Variants in LAMB1 observed in about 807,000 individuals in gnomAD.
LAMB1 encodes the protein laminin subunit beta 1, also known as laminin subunit beta-1.
Under a neutral mutation model 222.3 loss-of-function variants are expected in LAMB1, and 121 were observed. That is an observed-to-expected ratio of 0.54 (90% CI 0.47 to 0.63). LAMB1 has a LOEUF of 0.63. Ranked by LOEUF, LAMB1 falls within the 30% of genes least tolerant of loss-of-function variation. LAMB1 has a pLI of 0.00. For synonymous variants in LAMB1, 794 were observed against 807.2 expected (o/e 0.98, Z 0.28); for missense variants, 2,172 against 2,240.8 (o/e 0.97, Z 0.62).
At position 107,935,712 on chromosome 7, in the gene LAMB1, CCAAG is replaced by C; in HGVS notation, c.3947-60_3947-57del. 4.4e-6 allele frequency: 7 copies of C among 1,578,542 alleles called. 1 individual carries two copies. In the South Asian group the frequency reaches 8.1e-5, roughly 18 times the overall value. ...AACCTCATCATACTAGGCTTCCTCC[CCAAG>C]CAGTGTCTATATTTGGTGTCTTCGG... is the stretch of plus-strand genomic sequence containing the variant. On this transcript the variant is annotated intron_variant, in intron 26 of 33. Transcript: ENST00000222399.
chr7:107,948,405 A>G (rs2033174813), intron 24 of LAMB1, among the ~76,000 whole-genome samples: 1 of 152,178 alleles, frequency 6.6e-6, no homozygotes, highest in Non-Finnish European at 1.5e-5. Context: ...AAAACTAAAG[A>G]TAAGGTTGGA....
chr7:107,943,481 A>G (rs1298503741), intron 24 of LAMB1, among the ~76,000 whole-genome samples: 1 of 152,226 alleles, frequency 6.6e-6, no homozygotes. Flanking sequence ...GATTTTAGGA[A>G]TACATTTCCA....
chr7:107,997,646 A>G (rs2034305404), intron 4 of LAMB1, among the ~76,000 whole-genome samples: 3 of 152,210 alleles, frequency 2.0e-5, no homozygotes, highest in Admixed American at 2.0e-4. Context: ...CTAACAGTAC[A>G]TTGTTAATTA....
At chr7:107,985,614 A>C (rs113271693) in intron 7 of LAMB1, among the ~76,000 whole-genome samples, 3,357 of 151,692 alleles carry the variant, frequency 0.022, 48 homozygotes, top group South Asian at 0.037. Flanking sequence ...GGGCAATAAG[A>C]GTGAAACTCC....
chr7:107,978,056 C>T lies in LAMB1; in HGVS notation c.991G>A (p.Ala331Thr), dbSNP rs746417381. 2.0e-5 allele frequency: 32 copies of T among 1,614,036 alleles called. No homozygotes were observed. Among genetic ancestry groups the T allele is most frequent in the African/African-American group, 4.0e-5 (3 of 74,914 alleles). Residue 331 changes from alanine to threonine, a missense_variant, in exon 9 of 34, where the codon GCC becomes ACC. Coordinates refer to ENST00000222399, the MANE Select transcript of LAMB1 (RefSeq NM_002291.3). ...TTCAACACAGACTTACTTTTACAGGCGTTGCTGTTTCGGCCTTCAGCAGGT... is the reference window on the plus strand; with the variant it reads ...TTCAACACAGACTTACTTTTACAGGTGTTGCTGTTTCGGCCTTCAGCAGGT... ...WRPAEGRNSN[A>T]CKKCNCNEHS...
intron 12 of LAMB1, 31 bp downstream of exon 12, chr7:107,974,955 C>T: frequency 1.6e-6 from 2 of 1,240,556 alleles, no homozygotes; most frequent in South Asian, 1.2e-5. Flanking sequence ...CCTCACCAAC[C>T]ACCCATCCCA....
chr7:107,933,768 A>G (rs1481594064), intron 27 of LAMB1, among the ~76,000 whole-genome samples: 1 of 152,258 alleles, frequency 6.6e-6, no homozygotes, highest in African/African-American at 2.4e-5. Flanking sequence ...AAACACAGTA[A>G]GAGAACTGAA....
chr7:107,967,724 A>G (rs1170904731), intron 13 of LAMB1, among the ~76,000 whole-genome samples: 1 of 152,150 alleles, frequency 6.6e-6, no homozygotes, highest in Non-Finnish European at 1.5e-5. Flanking sequence ...CACTAAGTCT[A>G]TTATTTCTGG....
Position 107,929,466 on chromosome 7 carries a change from C to T in LAMB1, c.4691G>A (p.Ser1564Asn). 1 of 1,614,128 alleles carries T rather than the reference C, an allele frequency of 6.2e-7. No homozygotes were observed. Among genetic ancestry groups the T allele is most frequent in the South Asian group, 1.1e-5 (1 of 91,078 alleles). Residue 1564 changes from serine (S) to asparagine (N), a missense_variant, in exon 30 of 34, where the codon AGT (serine) becomes AAT (asparagine). Ser to Asn is a conservative substitution (Grantham distance 46). Coordinates refer to ENST00000222399, the MANE Select transcript of LAMB1 (RefSeq NM_002291.3). ...LSQVEVILQH[S>N]AADIARAEML... ...CTCAGCTCTGGCAATGTCAGCAGCA[C>T]TATGCTGAAGAATAACCTCTACTTG...
chr7:107,972,941 A>C lies in LAMB1; in HGVS notation c.1562+51T>G, dbSNP rs372232140. ...TGAATGTCACCCATTCCTGTAAGTC[A>C]TGACTTTCCTGGAAGACTGAGGACA... On this transcript the variant is annotated intron_variant, in intron 13 of 33. Transcript: ENST00000222399. The C allele has an allele frequency of 1.1e-4, 155 of 1,421,110 alleles. No individual in the cohort carries two copies. The African/African-American group carries it at 2.0e-3, about 19-fold the overall frequency. The allele number at this position is 1,421,110 out of a possible 1,614,324, so 88.0% of individuals were successfully genotyped here.
chr7:107,971,506 CT>C (rs892536482), intron 13 of LAMB1, among the ~76,000 whole-genome samples: 1 of 152,222 alleles, frequency 6.6e-6, no homozygotes, highest in African/African-American at 2.4e-5. Flanking sequence ...GGGACAACAA[CT>C]TTGAAAAGGC....
chr7:108,001,623 G>C lies in LAMB1; in HGVS notation c.148C>G (p.Leu50Val). 1 of 1,613,258 alleles carries C rather than the reference G, an allele frequency of 6.2e-7. No homozygotes were observed. Among genetic ancestry groups the C allele is most frequent in the Non-Finnish European group, 8.5e-7 (1 of 1,179,854 alleles). Residue 50 changes from leucine to valine, a missense_variant, in exon 3 of 34, where the codon CTT (leucine) becomes GTT (valine). Coordinates refer to ENST00000222399, the MANE Select transcript of LAMB1 (RefSeq NM_002291.3). ...AGCCCGCACGTCGAGGTCACCGAAAGCTTCTGTGCTCGGCCGATGAGAAGG... is the reference window on the plus strand; with the variant it reads ...AGCCCGCACGTCGAGGTCACCGAAACCTTCTGTGCTCGGCCGATGAGAAGG... The part of the protein sequence containing the change: ...GDLLIGRAQK[L>V]SVTSTCGLHK...
At chr7:107,961,107 G>T (rs146429565) in intron 17 of LAMB1, 99 bp downstream of exon 17, 4 of 1,352,482 alleles carry the variant, frequency 3.0e-6, no homozygotes, top group Non-Finnish European at 4.1e-6. Context: ...TTCTGCTTAC[G>T]CTGGCCTCAG....
At chr7:107,956,032 G>A (rs2033369245) in intron 20 of LAMB1, among the ~76,000 whole-genome samples, 1 of 152,234 alleles carries the variant, frequency 6.6e-6, no homozygotes, top group Admixed American at 6.5e-5. Flanking sequence ...AGGTAGCTGG[G>A]ATTATAGGCA....
At chr7:107,998,973 G>A (rs1584545411) in intron 3 of LAMB1, among the ~76,000 whole-genome samples, 1 of 152,338 alleles carries the variant, frequency 6.6e-6, no homozygotes, top group East Asian at 1.9e-4. Context: ...GAGAAGCTTT[G>A]GGAACCACAG....
rs780139359 is a variant in LAMB1 at position 107,924,260 on chromosome 7, G to C, written c.5194C>G (p.Gln1732Glu). 4.3e-6 allele frequency: 7 copies of C among 1,611,898 alleles called. No individual in the cohort carries two copies. The highest frequency in any genetic ancestry group is 1.7e-4 in the Middle Eastern group (1 of 6,054). ...AGCAGTTGCAGCTTGCTATTTGCTT[G>C]AGCTAAAAGAGTTTTTGCTTCATTT... is the stretch of plus-strand genomic sequence containing the variant. ...LQNEAKTLLA[Q>E]ANSKLQLLKD... is the part of the protein sequence containing the mutation. The change falls in exon 33 of 34, where the codon CAA (glutamine) becomes GAA (glutamate). Residue 1732 changes from glutamine to glutamate, a missense_variant. Transcript: ENST00000222399.
intron 26 of LAMB1, among the ~76,000 whole-genome samples, chr7:107,936,748 A>G (rs2032856680): frequency 6.6e-6 from 1 of 152,198 alleles, no homozygotes; most frequent in Non-Finnish European, 1.5e-5. Flanking sequence ...GATTTGCAGA[A>G]GTATTAATAC....
Position 108,003,122 on chromosome 7 carries a change from A to G in LAMB1, c.-98T>C. The G allele has an allele frequency of 1.2e-6, 1 of 833,518 alleles. No individual in the cohort carries two copies. Among genetic ancestry groups the G allele is most frequent in the South Asian group, 2.1e-5 (1 of 47,848 alleles). The allele number at this position is 833,518 out of a possible 1,614,324, so 51.6% of individuals were successfully genotyped here. On this transcript the variant is annotated 5_prime_UTR_variant, in exon 1 of 34. Transcript: ENST00000222399. Reference sequence around the variant, plus strand: ...TTTGTTCTCCTCACCCGGCGACGCGAGCTCTCGCCCTGCTCCGGGAGCCCC... The same window carrying G: ...TTTGTTCTCCTCACCCGGCGACGCGGGCTCTCGCCCTGCTCCGGGAGCCCC...
In LAMB1 at chr7:107,940,369, A is replaced by C. The variant is rs776473362; in HGVS notation, c.3392-11T>G. 1.2e-6 allele frequency: 2 copies of C among 1,605,996 alleles called. No homozygotes were observed. The highest frequency in any genetic ancestry group is 1.1e-5 in the South Asian group (1 of 90,856). On this transcript the variant is annotated splice_polypyrimidine_tract_variant and intron_variant, in intron 24 of 33. Transcript: ENST00000222399. ...GGTCACAGTCACAGGCTAGAAGGGA[A>C]TAAGCAATGCTAGCTGATCTACTTA...
Sources: gnomAD v4.1 joint callset for allele counts (sites outside exome capture counted in the v4.1 genomes callset) on GRCh38, gnomAD v4.1.1 for gene constraint, MANE v1.5 for transcripts, NCBI Gene and HGNC (gene_info 2026-07-23, HGNC 2026-07-21) for gene names.